Variants in BCO2 observed in about 807,000 individuals in gnomAD.
BCO2 encodes beta-carotene oxygenase 2.
A neutral mutation model predicts 65.8 loss-of-function variants in BCO2; 56 were observed. That is an observed-to-expected ratio of 0.85 (90% CI 0.69 to 1.06). The LOEUF (loss-of-function observed/expected upper bound fraction) is 1.06. BCO2 is among the 50% of genes least tolerant of loss of function. The probability of loss-of-function intolerance (pLI) is 0.00; values close to 1 mark genes in which losing one functional copy is unlikely to be tolerated. For missense variants in BCO2, 675 were observed against 698.5 expected (o/e 0.97, Z 0.38); for synonymous variants, 233 against 242.3 (o/e 0.96, Z 0.36).
Position 112,176,862 on chromosome 11 carries a change from A to C in BCO2, c.88+1173A>C, listed in dbSNP as rs145143665. 1.7e-3 allele frequency among the ~76,000 whole-genome samples: 253 copies of C among 152,354 alleles called. 1 individual carries two copies. Among genetic ancestry groups the C allele is most frequent in the African/African-American group, 5.9e-3 (247 of 41,586 alleles). On this transcript the variant is annotated intron_variant, in intron 1 of 11. Coordinates refer to ENST00000357685, the MANE Select transcript of BCO2 (RefSeq NM_031938.7). ...TCAGCTAATAAGTAATAAAACTAGC[A>C]GAATGCAGAGAGTAGTTATAGGGCA...
intron 8 of BCO2, among the ~76,000 whole-genome samples, chr11:112,207,382 C>T (rs1859377330): frequency 6.6e-6 from 1 of 152,158 alleles, no homozygotes; most frequent in South Asian, 2.1e-4. Context: ...ACAGTCTCTT[C>T]CTTTATGACT....
chr11:112,193,038 C>A lies in BCO2; in HGVS notation c.294-436C>A, dbSNP rs542893382. Among the ~76,000 whole-genome samples the A allele has an allele frequency of 3.3e-4, 45 of 136,874 alleles. 1 individual carries two copies. The highest frequency in any genetic ancestry group is 3.1e-3 in the Admixed American group (38 of 12,402). The allele number at this position is 136,874 out of a possible 152,430, so 89.8% of individuals were successfully genotyped here. A position where few individuals can be genotyped will look rare whatever the true frequency, so the allele number is the denominator to read the frequency against. On this transcript the variant is annotated intron_variant, in intron 2 of 11. Coordinates refer to ENST00000357685, the MANE Select transcript of BCO2 (RefSeq NM_031938.7). ...TGTCGCCCAGGCTGAAGTGCAGTGG[C>A]GCGATCTCGGCTCACTGCAATCTCC...
At chr11:112,209,932 A>C (rs929111228) in intron 8 of BCO2, among the ~76,000 whole-genome samples, 3 of 152,038 alleles carry the variant, frequency 2.0e-5, no homozygotes, top group Non-Finnish European at 4.4e-5. Context: ...CTTTTCTATA[A>C]TGTTCTTACT....
Position 112,202,096 on chromosome 11 carries a change from G to T in BCO2, c.1100G>T (p.Cys367Phe), listed in dbSNP as rs768162198. The change falls in exon 8 of 12, where the codon TGT (cysteine) becomes TTT (phenylalanine). Residue 367 changes from cysteine (C) to phenylalanine (F), a missense_variant. Transcript: ENST00000357685. ...ATCAATGCCTTTGAGGACCAGGGCT[G>T]TGTTATAATTGATTTGTGCTGTCAA... ...HQINAFEDQG[C>F]VIIDLCCQDN... The T allele has an allele frequency of 2.2e-5, 36 of 1,613,812 alleles. No individual in the cohort carries two copies. The highest frequency in any genetic ancestry group is 2.9e-5 in the Non-Finnish European group (34 of 1,179,880).
intron 5 of BCO2, among the ~76,000 whole-genome samples, chr11:112,196,915 T>TCCTTC (rs71060231): frequency 0.15 from 19,019 of 124,048 alleles, 1,743 homozygotes; most frequent in African/African-American, 0.18. Flanking sequence ...TTCCTTTCCT[T>TCCTTC]CCTTCCCTTC....
chr11:112,192,925 G>GATTTTTTTTT (rs759931634), intron 2 of BCO2, among the ~76,000 whole-genome samples: 1 of 36,658 alleles, frequency 2.7e-5, no homozygotes, highest in Non-Finnish European at 4.7e-5. Context: ...AAAATGTGAG[G>GATTTTTTTTT]TTTTTTTTTT....
intron 2 of BCO2, among the ~76,000 whole-genome samples, chr11:112,192,683 T>C (rs577777885): frequency 1.0e-3 from 155 of 149,640 alleles, no homozygotes; most frequent in African/African-American, 3.6e-3. Context: ...CTTTCTTTTT[T>C]TTTTTTTTTT....
chr11:112,200,918 C>T, intron 7 of BCO2, 145 bp downstream of exon 7: 1 of 818,942 alleles, frequency 1.2e-6, no homozygotes, highest in Non-Finnish European at 1.9e-6. Flanking sequence ...ATAGGTTGAG[C>T]TAGCTACTTA....
chr11:112,175,594 A>G lies in BCO2; in HGVS notation c.-8A>G. ...ATTTGGAAATCACTGGATCTGCTCA[A>G]TACAAAAATGTTTTTTCGAGTCTTT... is the stretch of plus-strand genomic sequence containing the variant. On this transcript the variant is annotated 5_prime_UTR_variant, in exon 1 of 12. Transcript: ENST00000357685. The G allele has an allele frequency of 3.1e-6, 5 of 1,607,862 alleles. No homozygotes were observed. The highest frequency in any genetic ancestry group is 4.3e-6 in the Non-Finnish European group (5 of 1,174,296).
chr11:112,214,674 T>G, intron 9 of BCO2, 88 bp from the exon 10 acceptor site: 5 of 1,084,074 alleles, frequency 4.6e-6, no homozygotes, highest in Non-Finnish European at 6.7e-6. Flanking sequence ...TCACAAACCT[T>G]TATAGGGTAT....
At chr11:112,188,261 C>T (rs1180826434) in intron 2 of BCO2, among the ~76,000 whole-genome samples, 2 of 152,236 alleles carry the variant, frequency 1.3e-5, no homozygotes, top group African/African-American at 4.8e-5. Context: ...TTTGGACCCT[C>T]TCTTTGTCGC....
chr11:112,213,952 T>G, intron 9 of BCO2, 91 bp downstream of exon 9: 1 of 976,732 alleles, frequency 1.0e-6, no homozygotes, highest in Non-Finnish European at 1.4e-6. Context: ...TGGTACCCAA[T>G]AACTTTTATA....
At chr11:112,186,647 T>C in intron 2 of BCO2, among the ~76,000 whole-genome samples, 1 of 152,196 alleles carries the variant, frequency 6.6e-6, no homozygotes, top group Non-Finnish European at 1.5e-5. Flanking sequence ...AGGTCTATCT[T>C]CAATTAAATT....
At chr11:112,194,106 A>G (rs1288193024) in intron 4 of BCO2, 112 bp downstream of exon 4, 6 of 669,386 alleles carry the variant, frequency 9.0e-6, no homozygotes, top group Non-Finnish European at 1.6e-5. Flanking sequence ...TAACTACACA[A>G]AAAGAAAGTT....
Position 112,216,290 on chromosome 11 carries a change from A to G in BCO2, c.1586A>G (p.Asp529Gly), listed in dbSNP as rs1566804542. The G allele has an allele frequency of 7.4e-6, 12 of 1,614,022 alleles. No homozygotes were observed. The highest frequency in any genetic ancestry group is 1.0e-5 in the Non-Finnish European group (12 of 1,180,008). Residue 529 changes from aspartate to glycine, a missense_variant, in exon 11 of 12, where the codon GAT becomes GGT. Physicochemically the swap from Asp to Gly is moderately conservative, Grantham distance 94. Transcript: ENST00000357685. ...CCAGCACCAGGAACCAATGAAGAAGATGGTGGGGTTATTCTTTCTGTGGTG... is the reference window on the plus strand; with the variant it reads ...CCAGCACCAGGAACCAATGAAGAAGGTGGTGGGGTTATTCTTTCTGTGGTG... ...FVPAPGTNEE[D>G]GGVILSVVIT...
chr11:112,209,421 T>C (rs887104344), intron 8 of BCO2, among the ~76,000 whole-genome samples: 1 of 152,252 alleles, frequency 6.6e-6, no homozygotes, highest in African/African-American at 2.4e-5. Flanking sequence ...TTTTGTGGCT[T>C]GAGAACTCAT....
At chr11:112,194,218 G>C (rs1490529769) in intron 4 of BCO2, 2 of 497,762 alleles carry the variant, frequency 4.0e-6, no homozygotes, top group East Asian at 3.5e-5. Flanking sequence ...ATATCTGAAG[G>C]CTAGGGTAAA....
chr11:112,201,134 C>A (rs185690836), intron 7 of BCO2, among the ~76,000 whole-genome samples: 1 of 149,744 alleles, frequency 6.7e-6, no homozygotes, highest in East Asian at 1.9e-4. Context: ...GATTCTCTGG[C>A]TTCTTTTTCC....
At chr11:112,201,149 T>C (rs887844186) in intron 7 of BCO2, among the ~76,000 whole-genome samples, 1 of 142,914 alleles carries the variant, frequency 7.0e-6, no homozygotes, top group African/African-American at 2.5e-5. Context: ...TTTTCCTTTT[T>C]TTTTGAGATT....
Sources: allele counts gnomAD v4.1 joint callset (sites outside exome capture counted in the v4.1 genomes callset), GRCh38; gene constraint gnomAD v4.1.1; transcripts MANE v1.5; gene names NCBI Gene and HGNC (gene_info 2026-07-23, HGNC 2026-07-21).